The following GRAMD4 variants were observed in gnomAD, a reference collection of about 807,000 sequenced individuals.
GRAMD4 encodes GRAM domain containing 4.
A neutral mutation model predicts 83.9 loss-of-function variants in GRAMD4; 25 were observed. That is an observed-to-expected ratio of 0.30 (90% CI 0.22 to 0.42). GRAMD4 has a LOEUF of 0.42. Among genes scored for constraint, GRAMD4 ranks in the 10% least tolerant of loss-of-function variants. GRAMD4 has a pLI of 1.00. For synonymous variants in GRAMD4, 336 were observed against 320.9 expected (o/e 1.05, Z -0.50); for missense variants, 593 against 788.7 (o/e 0.75, Z 2.97).
At chr22:46,657,336 A>G (rs2542046) in intron 3 of GRAMD4, among the ~76,000 whole-genome samples, 73,681 of 152,154 alleles carry the variant, frequency 0.48, 18,083 homozygotes, top group Middle Eastern at 0.62. Context: ...GGGGAGAAGC[A>G]AGGGCCTCAG....
At chr22:46,591,505 G>A (rs1342977807) in intron 1 of GRAMD4, among the ~76,000 whole-genome samples, 7 of 151,970 alleles carry the variant, frequency 4.6e-5, no homozygotes, top group East Asian at 1.9e-4. Flanking sequence ...AGAGGCTAAC[G>A]GACATTGCTG....
chr22:46,603,035 C>T (rs1244637704), intron 1 of GRAMD4, among the ~76,000 whole-genome samples: 1 of 152,028 alleles, frequency 6.6e-6, no homozygotes, highest in Non-Finnish European at 1.5e-5. Flanking sequence ...GCCACCACAC[C>T]TGACCTCTTG....
intron 1 of GRAMD4, among the ~76,000 whole-genome samples, chr22:46,594,655 A>C (rs1335283440): frequency 6.6e-6 from 1 of 151,988 alleles, no homozygotes; most frequent in Admixed American, 6.5e-5. Context: ...GCTTGGTCTC[A>C]GGACAGTTGG....
intron 1 of GRAMD4, among the ~76,000 whole-genome samples, chr22:46,582,674 ATTTG>A (rs1431842133): frequency 2.0e-5 from 3 of 152,000 alleles, no homozygotes; most frequent in Non-Finnish European, 4.4e-5. Flanking sequence ...CTGGGAGTGA[ATTTG>A]TTTGTTCCTC....
In GRAMD4 at chr22:46,658,293, G is replaced by A; in HGVS notation, c.390G>A (p.Glu130=). 2 of 1,611,710 alleles carry A rather than the reference G, an allele frequency of 1.2e-6. No homozygotes were observed. Among genetic ancestry groups the A allele is most frequent in the African/African-American group, 2.7e-5 (2 of 74,986 alleles). The change falls in exon 4 of 19, where the codon GAG becomes GAA. Residue 130 remains glutamate, a synonymous_variant. Coordinates refer to ENST00000406902, the MANE Select transcript of GRAMD4 (RefSeq NM_015124.5). The part of the protein sequence containing the change: ...RRMELEQKVQ[E]VLKARTEEQM... Reference sequence around the variant, plus strand: ...TGGAGCTGGAGCAGAAGGTGCAGGAGGTGCTGAAGGCCAGGTACCGCGCCT... The same window carrying A: ...TGGAGCTGGAGCAGAAGGTGCAGGAAGTGCTGAAGGCCAGGTACCGCGCCT...
rs909957274 is a variant in GRAMD4, at chr22:46,620,989, G to A, written c.-50+424G>A. 5.9e-5 allele frequency among the ~76,000 whole-genome samples: 9 copies of A among 152,140 alleles called. No homozygotes were observed. Among genetic ancestry groups the A allele is most frequent in the Non-Finnish European group, 2.9e-5 (2 of 68,000 alleles). ...TTGCAGGGGCCCTGGGCTGCCAGGG[G>A]TGGGCCTGTAGGTGCAGGTGGAGGG... On this transcript the variant is annotated intron_variant, in intron 1 of 18. Transcript: ENST00000406902. The surrounding 1 kb of genome is among the most constrained non-coding windows in gnomAD (Gnocchi z 4.7).
intron 1 of GRAMD4, among the ~76,000 whole-genome samples, chr22:46,605,563 A>G (rs1425181661): frequency 6.6e-6 from 1 of 152,228 alleles, no homozygotes; most frequent in Admixed American, 6.5e-5. Flanking sequence ...TTTATACCCC[A>G]CAAACAGTGC....
At chr22:46,670,503 A>C (rs1163952014) in intron 13 of GRAMD4, among the ~76,000 whole-genome samples, 1 of 152,222 alleles carries the variant, frequency 6.6e-6, no homozygotes, top group African/African-American at 2.4e-5. Context: ...CCGAGGCTCC[A>C]GAGCTGCAGT....
chr22:46,680,578 C>CCACCCACCCACCCCCCCATT (rs1569313352), downstream of GRAMD4, among the ~76,000 whole-genome samples: 1 of 146,598 alleles, frequency 6.8e-6, no homozygotes, highest in Non-Finnish European at 1.5e-5. Context: ...ATCCATCCAT[C>CCACCCACCCACCCCCCCATT]CATCCATCCA....
intron 3 of GRAMD4, among the ~76,000 whole-genome samples, chr22:46,653,938 G>GAGGCATGA (rs1288799977): frequency 4.6e-5 from 7 of 152,202 alleles, no homozygotes; most frequent in Non-Finnish European, 1.0e-4. Context: ...CATGAAGACA[G>GAGGCATGA]AGGCATGAGA....
intron 1 of GRAMD4, among the ~76,000 whole-genome samples, chr22:46,586,316 C>G (rs373456819): frequency 6.6e-6 from 1 of 152,184 alleles, no homozygotes; most frequent in East Asian, 1.9e-4. Flanking sequence ...CTGGGCCCCA[C>G]TGGCGCCTCC....
upstream of GRAMD4, among the ~76,000 whole-genome samples, chr22:46,615,873 G>A (rs62233588): frequency 1.1e-5 from 1 of 90,814 alleles, no homozygotes. Flanking sequence ...TGTGCGTGTA[G>A]GTTCCCCCGT....
chr22:46,585,301 CT>C (rs1325459976), intron 1 of GRAMD4, among the ~76,000 whole-genome samples: 1 of 151,856 alleles, frequency 6.6e-6, no homozygotes, highest in African/African-American at 2.4e-5. Flanking sequence ...AGTGATTCTC[CT>C]GCCTCAGCCT....
At chr22:46,667,077 A>G (rs190521569) in intron 10 of GRAMD4, among the ~76,000 whole-genome samples, 39 of 152,316 alleles carry the variant, frequency 2.6e-4, no homozygotes, top group Non-Finnish European at 5.1e-4. Flanking sequence ...CCGGCCCCAC[A>G]TTCTAGTCCA....
At position 46,679,056 on chromosome 22, in the gene GRAMD4, C is replaced by A. The variant is rs997773098; in HGVS notation, c.*1805C>A. 1 of 985,564 alleles carries A rather than the reference C, an allele frequency of 1.0e-6. No homozygotes were observed. The highest frequency in any genetic ancestry group is 1.7e-5 in the African/African-American group (1 of 57,240). The allele number at this position is 985,564 out of a possible 1,614,324, so 61.1% of individuals were successfully genotyped here. A position where few individuals can be genotyped will look rare whatever the true frequency, so the allele number is the denominator to read the frequency against. On this transcript the variant is annotated 3_prime_UTR_variant, in exon 19 of 19. Transcript: ENST00000406902. ...GGGGACATATCCCAGTGAACCCCAC[C>A]TTGGCGCCTGAGGCAACACAGGGTG...
intron 3 of GRAMD4, among the ~76,000 whole-genome samples, chr22:46,638,376 ATGTT>A (rs2081923352): frequency 6.6e-6 from 1 of 152,106 alleles, no homozygotes; most frequent in South Asian, 2.1e-4. Flanking sequence ...CTGAAATCTT[ATGTT>A]TGTTCTGGTT....
At chr22:46,653,937 A>G (rs2082204201) in intron 3 of GRAMD4, among the ~76,000 whole-genome samples, 1 of 152,194 alleles carries the variant, frequency 6.6e-6, no homozygotes, top group African/African-American at 2.4e-5. Context: ...ACATGAAGAC[A>G]GAGGCATGAG....
At chr22:46,613,491 C>T (rs1018312031) in intron 1 of GRAMD4, among the ~76,000 whole-genome samples, 4 of 152,262 alleles carry the variant, frequency 2.6e-5, no homozygotes, top group Admixed American at 6.5e-5. Context: ...TCCCTGTGTC[C>T]CCGAGCTGCT....
Position 46,658,421 on chromosome 22 carries a change from C to T in GRAMD4, c.404+114C>T, listed in dbSNP as rs557535551. 12 of 1,051,362 alleles carry T rather than the reference C, an allele frequency of 1.1e-5. No individual in the cohort carries two copies. The East Asian group carries it at 3.2e-4, about 28-fold the overall frequency. 65.1% of individuals were successfully genotyped at this position (1,051,362 alleles called of 1,614,324 possible). On this transcript the variant is annotated intron_variant, in intron 4 of 18. Coordinates refer to ENST00000406902, the MANE Select transcript of GRAMD4 (RefSeq NM_015124.5). ...GCGTCTTGGCAGCATCATTCTTGGC[C>T]CTGGAGAGGCCTGAGTGTGAGGGTG...
Sources: allele counts gnomAD v4.1 joint callset (sites outside exome capture counted in the v4.1 genomes callset), GRCh38; gene constraint gnomAD v4.1.1; non-coding constraint Gnocchi (gnomAD v3.1); transcripts MANE v1.5; gene names NCBI Gene and HGNC (gene_info 2026-07-23, HGNC 2026-07-21).